The following ABCB10 variants were observed in gnomAD, a reference collection of about 807,000 sequenced individuals.
The protein encoded by ABCB10 is ATP-binding cassette sub-family B member 10, mitochondrial.
Under a neutral mutation model 65.4 loss-of-function variants are expected in ABCB10, and 54 were observed. That is an observed-to-expected ratio of 0.83 (90% CI 0.66 to 1.04). The LOEUF is 1.04. ABCB10 is among the 50% of genes least tolerant of loss of function. ABCB10 has a pLI of 0.00. For missense variants in ABCB10, 846 were observed against 976.6 expected, an observed-to-expected ratio of 0.87 and a Z score of 1.78; for synonymous variants, 418 against 406.5, an observed-to-expected ratio of 1.03 and a Z score of -0.34.
At chr1:229,518,690 C>T in intron 12 of ABCB10, 151 bp downstream of exon 12, 1 of 741,788 alleles carries the variant, frequency 1.3e-6, no homozygotes. Context: ...TTTCAACTGT[C>T]ATTATTAATT....
intron 4 of ABCB10, among the ~76,000 whole-genome samples, chr1:229,541,814 G>A (rs1662852778): frequency 6.6e-6 from 1 of 151,826 alleles, no homozygotes; most frequent in South Asian, 2.1e-4. Flanking sequence ...GTGGCATGGG[G>A]CGATAGTCCC....
At chr1:229,551,692 C>T (rs1465684678) in intron 1 of ABCB10, among the ~76,000 whole-genome samples, 1 of 152,306 alleles carries the variant, frequency 6.6e-6, no homozygotes, top group South Asian at 2.1e-4. Flanking sequence ...TTTCAAAGCA[C>T]CATGCTTCTT....
Position 229,526,064 on chromosome 1 carries a change from T to A in ABCB10, c.1778A>T (p.Asp593Val). 1.2e-6 allele frequency: 2 copies of A among 1,614,156 alleles called. No homozygotes were observed. Among genetic ancestry groups the A allele is most frequent in the Non-Finnish European group, 1.7e-6 (2 of 1,180,024 alleles). The change falls in exon 10 of 13, where the codon GAT becomes GTT. Residue 593 changes from aspartate to valine, a missense_variant. Coordinates refer to ENST00000344517, the MANE Select transcript of ABCB10 (RefSeq NM_012089.3). Reference protein sequence around the residue: ...SIAENIAYGADDPSSVTAEEI... With the variant: ...SIAENIAYGAVDPSSVTAEEI... The stretch of plus-strand genomic sequence containing the variant: ...CTCAGCGGTCACAGAGGAAGGGTCA[T>A]CAGCACCATAAGCAATGTTCTCAGC...
rs532293063 is a variant in ABCB10, at chr1:229,526,014, C to T, written c.1828G>A (p.Ala610Thr). 8 of 1,614,198 alleles carry T rather than the reference C, an allele frequency of 5.0e-6. No individual in the cohort carries two copies. In the African/African-American group the frequency reaches 9.3e-5, roughly 19 times the overall value. ...AEEIQRVAEV[A>T]NAVAFIRNFP... ...TTCCGGATGAAGGCCACTGCATTGG[C>T]CACTTCAGCCACTCTCTGGATTTCC... The change falls in exon 10 of 13, where the codon GCC (alanine) becomes ACC (threonine). Residue 610 changes from alanine to threonine, a missense_variant. Ala to Thr is a moderately conservative substitution (Grantham distance 58). This residue lies in a region of ABCB10 where 632 missense variants were observed against 803.2 expected (regional missense o/e 0.79). Coordinates refer to ENST00000344517, the MANE Select transcript of ABCB10 (RefSeq NM_012089.3).
At chr1:229,544,590 T>G (rs1243621655) in intron 3 of ABCB10, among the ~76,000 whole-genome samples, 2 of 152,204 alleles carry the variant, frequency 1.3e-5, no homozygotes, top group Non-Finnish European at 2.9e-5. Context: ...AAGTCACATT[T>G]CTGATCCCCT....
intron 1 of ABCB10, among the ~76,000 whole-genome samples, chr1:229,556,010 C>T (rs142062403): frequency 2.2e-4 from 33 of 151,554 alleles, no homozygotes; most frequent in African/African-American, 8.0e-4. Context: ...TGTGCCAACC[C>T]TAGGCTTGTT....
rs771165178 is a variant in ABCB10, at chr1:229,558,707, C to T, written c.-55G>A. On this transcript the variant is annotated 5_prime_UTR_variant, in exon 1 of 13. Transcript: ENST00000344517. The stretch of plus-strand genomic sequence containing the variant: ...CCGCCGGCCAGGCGCGCGCAAAGCC[C>T]GAGGACCCTCCCGGCCCGGCCCCGA... The T allele has an allele frequency of 4.8e-6, 6 of 1,241,778 alleles. No individual in the cohort carries two copies. The highest frequency in any genetic ancestry group is 1.6e-5 in the African/African-American group (1 of 63,214). 76.9% of individuals were successfully genotyped at this position (1,241,778 alleles called of 1,614,324 possible). A position where few individuals can be genotyped will look rare whatever the true frequency, so the allele number is the denominator to read the frequency against.
At position 229,558,397 on chromosome 1, in the gene ABCB10, G is replaced by T; in HGVS notation, c.256C>A (p.Leu86Ile). ...GCCCACAGCCCCAGGAGCCGCGCGA[G>T]GCCCAGGACGCCCCGCGAGGCGCCC... Reference protein sequence around the residue: ...GPGASRGVLGLARLLGLWARG... With the variant: ...GPGASRGVLGIARLLGLWARG... The change falls in exon 1 of 13, where the codon CTC becomes ATC. Residue 86 changes from leucine to isoleucine, a missense_variant. By Grantham distance (5) the Leu-to-Ile change is conservative. Coordinates refer to ENST00000344517, the MANE Select transcript of ABCB10 (RefSeq NM_012089.3). The T allele has an allele frequency of 8.3e-7, 1 of 1,200,810 alleles. No individual in the cohort carries two copies. The highest frequency in any genetic ancestry group is 1.0e-6 in the Non-Finnish European group (1 of 968,222). 74.4% of individuals were successfully genotyped at this position (1,200,810 alleles called of 1,614,324 possible). A position where few individuals can be genotyped will look rare whatever the true frequency, so the allele number is the denominator to read the frequency against.
chr1:229,532,097 C>G (rs184536373), intron 6 of ABCB10, among the ~76,000 whole-genome samples: 1 of 151,946 alleles, frequency 6.6e-6, no homozygotes. Flanking sequence ...GGATTACAGG[C>G]GCAAGCCACC....
intron 6 of ABCB10, among the ~76,000 whole-genome samples, chr1:229,536,810 G>A (rs1299818544): frequency 6.6e-6 from 1 of 151,576 alleles, no homozygotes; most frequent in African/African-American, 2.4e-5. Context: ...ACAAAAACTA[G>A]CCAGGCATGG....
rs1304340693 is a variant in ABCB10, at chr1:229,517,189, A to G, written c.*990T>C. ...TATCTTCTTTTCAGGAGAGTGATAC[A>G]TTCTGAAGTTTTCTTGTTATTCTGT... is the stretch of plus-strand genomic sequence containing the variant. On this transcript the variant is annotated 3_prime_UTR_variant, in exon 13 of 13. Transcript: ENST00000344517. 7 of 152,232 alleles carry G rather than the reference A, an allele frequency of 4.6e-5. No individual in the cohort carries two copies. The highest frequency in any genetic ancestry group is 1.7e-4 in the African/African-American group (7 of 41,474). The allele number at this position is 152,232 out of a possible 1,614,324, so 9.4% of individuals were successfully genotyped here.
At chr1:229,541,939 T>C (rs1410346969) in intron 4 of ABCB10, among the ~76,000 whole-genome samples, 1 of 145,612 alleles carries the variant, frequency 6.9e-6, no homozygotes, top group African/African-American at 2.6e-5. Context: ...ACTTTTCTCA[T>C]GTACCTTGTC....
chr1:229,549,629 G>A (rs1663058129), intron 1 of ABCB10, among the ~76,000 whole-genome samples, 195 bp from the exon 2 acceptor site: 1 of 152,146 alleles, frequency 6.6e-6, no homozygotes, highest in Non-Finnish European at 1.5e-5. Flanking sequence ...AGAACAAGCA[G>A]GTTGACTAAG....
chr1:229,523,263 C>T (rs965347168), intron 10 of ABCB10, among the ~76,000 whole-genome samples: 2 of 152,196 alleles, frequency 1.3e-5, no homozygotes, highest in Admixed American at 1.3e-4. Context: ...TCCCTCCTTT[C>T]CTCCAGGAAC....
intron 6 of ABCB10, among the ~76,000 whole-genome samples, chr1:229,538,297 C>T (rs1308958703): frequency 6.6e-6 from 1 of 152,064 alleles, no homozygotes; most frequent in African/African-American, 2.4e-5. Context: ...AGAGGAGGGG[C>T]TGAGAAAGAT....
chr1:229,532,663 T>TA (rs1318325886), intron 6 of ABCB10, among the ~76,000 whole-genome samples: 1 of 151,760 alleles, frequency 6.6e-6, no homozygotes, highest in African/African-American at 2.4e-5. Flanking sequence ...GGAGGATTGC[T>TA]AGAGCCCAGG....
chr1:229,537,836 A>C (rs1279430234), intron 6 of ABCB10, among the ~76,000 whole-genome samples: 1 of 152,178 alleles, frequency 6.6e-6, no homozygotes, highest in African/African-American at 2.4e-5. Flanking sequence ...AAAGCACTTA[A>C]AATCTAATTT....
intron 1 of ABCB10, among the ~76,000 whole-genome samples, chr1:229,557,080 G>C (rs1338040225): frequency 2.0e-5 from 3 of 152,142 alleles, no homozygotes; most frequent in African/African-American, 7.2e-5. Flanking sequence ...AGCTTTCATA[G>C]CAACTGGTAG....
chr1:229,545,472 A>G (rs115635550), intron 3 of ABCB10, among the ~76,000 whole-genome samples: 268 of 152,328 alleles, frequency 1.8e-3, no homozygotes, highest in Non-Finnish European at 2.4e-3. Context: ...CGATAGCCCT[A>G]CTGGAAACTT....
Sources: allele counts gnomAD v4.1 joint callset (sites outside exome capture counted in the v4.1 genomes callset), GRCh38; gene constraint gnomAD v4.1.1; regional missense constraint gnomAD v4.1.1; transcripts MANE v1.5; gene names NCBI Gene and HGNC (gene_info 2026-07-23, HGNC 2026-07-21).